The following TBL1X variants were observed in gnomAD, a reference collection of about 807,000 sequenced individuals.
The protein encoded by TBL1X is F-box-like/WD repeat-containing protein TBL1X.
In TBL1X, 10 loss-of-function variants were observed where a neutral mutation model predicts 50.7. That is an observed-to-expected ratio of 0.20 (90% CI 0.12 to 0.33). The LOEUF is 0.33. Ranked by LOEUF, TBL1X falls within the 10% of genes least tolerant of loss-of-function variation. The probability of loss-of-function intolerance (pLI) is 1.00; values close to 1 mark genes in which losing one functional copy is unlikely to be tolerated. For synonymous variants in TBL1X, 190 were observed against 214.7 expected (o/e 0.88, Z 1.01); for missense variants, 340 against 504.4 (o/e 0.67, Z 3.12).
intron 2 of TBL1X, among the ~76,000 whole-genome samples, chrX:9,617,591 G>A (rs776521755): frequency 4.0e-4 from 45 of 112,120 alleles, no homozygotes; most frequent in African/African-American, 1.4e-3. Context: ...TTGATCTGGG[G>A]AGACCCAGAG....
chrX:9,486,126 A>C (rs950483280), intron 1 of TBL1X, among the ~76,000 whole-genome samples: 1 of 110,939 alleles, frequency 9.0e-6, no homozygotes, highest in African/African-American at 3.3e-5. Context: ...GATAAGAAAC[A>C]GTTACAATCT....
chrX:9,656,524 G>A (rs1056432549), intron 5 of TBL1X, among the ~76,000 whole-genome samples: 3 of 112,838 alleles, frequency 2.7e-5, no homozygotes, highest in Non-Finnish European at 5.6e-5. Context: ...CTTATTCAGT[G>A]TTTGTTTATG....
At chrX:9,570,912 C>T (rs952912972) in intron 2 of TBL1X, among the ~76,000 whole-genome samples, 2 of 110,926 alleles carry the variant, frequency 1.8e-5, no homozygotes, top group East Asian at 2.8e-4. Context: ...CTCCTGACCT[C>T]GTGATCTGCC....
In TBL1X at chrX:9,653,701, C is replaced by T; in HGVS notation, c.103+12C>T. The T allele has an allele frequency of 8.6e-7, 1 of 1,160,234 alleles. No homozygotes were observed. Among genetic ancestry groups the T allele is most frequent in the East Asian group, 3.3e-5 (1 of 30,725 alleles). On this transcript the variant is annotated intron_variant, in intron 4 of 17. Transcript: ENST00000645353. ...TTTGCGAGGGAGAGGTACTGCGGTT[C>T]CTCATGTGGCCAGGACCGTGTGGTC... is the stretch of plus-strand genomic sequence containing the variant.
At chrX:9,708,094 C>A (rs772503079) in intron 13 of TBL1X, among the ~76,000 whole-genome samples, 7 of 111,996 alleles carry the variant, frequency 6.3e-5, no homozygotes, top group Non-Finnish European at 9.4e-5. Context: ...GCCCTATAGT[C>A]ACCCCTGAGG....
intron 2 of TBL1X, among the ~76,000 whole-genome samples, chrX:9,607,978 T>C (rs1454645886): frequency 6.5e-5 from 7 of 107,625 alleles, no homozygotes; most frequent in Non-Finnish European, 7.7e-5. Context: ...TTTTTTTTTT[T>C]TTTTCCAATT....
chrX:9,635,895 T>C (rs1477176420), intron 2 of TBL1X, among the ~76,000 whole-genome samples: 1 of 112,241 alleles, frequency 8.9e-6, no homozygotes, highest in East Asian at 2.8e-4. Context: ...AGCAGCATGG[T>C]TGACCCAAGC....
chrX:9,540,946 G>T (rs2082211436), intron 2 of TBL1X, among the ~76,000 whole-genome samples: 1 of 111,674 alleles, frequency 9.0e-6, no homozygotes, highest in Non-Finnish European at 1.9e-5. Context: ...TATTACCCCA[G>T]TTTCCAACTC....
chrX:9,529,723 G>A (rs1405240315), intron 2 of TBL1X, among the ~76,000 whole-genome samples: 1 of 107,333 alleles, frequency 9.3e-6, no homozygotes, highest in Non-Finnish European at 1.9e-5. Flanking sequence ...TGGAAGGATC[G>A]CTTGAGGCCA....
intron 2 of TBL1X, among the ~76,000 whole-genome samples, chrX:9,614,466 G>A (rs755476430): frequency 4.3e-4 from 48 of 111,406 alleles, no homozygotes; most frequent in Non-Finnish European, 8.1e-4. Context: ...TGATGCTTGG[G>A]TTGGAGGATC....
At chrX:9,569,224 TGTG>T (rs1157350494) in intron 2 of TBL1X, among the ~76,000 whole-genome samples, 1 of 105,647 alleles carries the variant, frequency 9.5e-6, no homozygotes, top group African/African-American at 3.5e-5. Context: ...GTGCTGTCTT[TGTG>T]GTGTCTGCAG....
At chrX:9,468,501 A>T (rs1465819495) in intron 1 of TBL1X, among the ~76,000 whole-genome samples, 2 of 111,528 alleles carry the variant, frequency 1.8e-5, no homozygotes, top group Non-Finnish European at 3.8e-5. Flanking sequence ...AAGGGCTCCC[A>T]GAGTGTGGTC....
intron 5 of TBL1X, among the ~76,000 whole-genome samples, chrX:9,660,660 G>A (rs377080112): frequency 8.9e-6 from 1 of 112,231 alleles, no homozygotes; most frequent in Non-Finnish European, 1.9e-5. Context: ...GTTATTCAGA[G>A]TGAGAGTATC....
chrX:9,534,569 TA>T (rs1173014113), intron 2 of TBL1X, among the ~76,000 whole-genome samples: 53 of 107,755 alleles, frequency 4.9e-4, no homozygotes, highest in African/African-American at 1.2e-3. Flanking sequence ...TACCCTAATT[TA>T]AAAAAAAAAT....
chrX:9,499,476 A>G (rs184551903), intron 1 of TBL1X, among the ~76,000 whole-genome samples: 1 of 112,272 alleles, frequency 8.9e-6, no homozygotes, highest in Non-Finnish European at 1.9e-5. Context: ...AAGGGGAAAG[A>G]GTGAATAAAA....
chrX:9,548,409 A>G (rs1056385920), intron 2 of TBL1X, among the ~76,000 whole-genome samples: 12 of 111,416 alleles, frequency 1.1e-4, no homozygotes, highest in African/African-American at 3.3e-4. Context: ...TTCTTTTTGC[A>G]TCTACTTAGT....
chrX:9,556,796 TTTTTTG>T (rs939412590), intron 2 of TBL1X, among the ~76,000 whole-genome samples: 24 of 108,856 alleles, frequency 2.2e-4, no homozygotes, highest in African/African-American at 6.6e-4. Flanking sequence ...TTGTTTTGTG[TTTTTTG>T]TTTTTGTTTT....
At position 9,513,103 on chromosome X, in the gene TBL1X, G is replaced by C. The variant is rs1041943090; in HGVS notation, c.-131+11254G>C. Reference sequence around the variant, plus strand: ...ACCCGGAGGAAGCCCCCAGAGTCTCGGCACAGTTGAGGAAACAAACAAAGC... The same window carrying C: ...ACCCGGAGGAAGCCCCCAGAGTCTCCGCACAGTTGAGGAAACAAACAAAGC... On this transcript the variant is annotated intron_variant, in intron 2 of 17. Transcript: ENST00000645353. 1.6e-4 allele frequency among the ~76,000 whole-genome samples: 18 copies of C among 110,605 alleles called. 1 individual carries two copies.
intron 2 of TBL1X, among the ~76,000 whole-genome samples, chrX:9,537,513 A>G (rs1299970574): frequency 3.6e-5 from 4 of 111,145 alleles, no homozygotes; most frequent in African/African-American, 9.8e-5. Context: ...CCAGCAACCA[A>G]CGTTCTACTT....
Sources: allele counts gnomAD v4.1 joint callset (sites outside exome capture counted in the v4.1 genomes callset), GRCh38; gene constraint gnomAD v4.1.1; transcripts MANE v1.5; gene names NCBI Gene and HGNC (gene_info 2026-07-23, HGNC 2026-07-21).